The following RNF150 variants were observed in gnomAD, a reference collection of about 807,000 sequenced individuals.
RNF150 encodes the protein ring finger protein 150.
In RNF150, 24 loss-of-function variants were observed where a neutral mutation model predicts 39.3. That is an observed-to-expected ratio of 0.61 (90% confidence interval 0.44 to 0.86). The LOEUF is 0.86. Ranked by LOEUF, RNF150 falls within the 40% of genes least tolerant of loss-of-function variation. The probability of loss-of-function intolerance (pLI) is 0.00; values close to 1 mark genes in which losing one functional copy is unlikely to be tolerated. For synonymous variants in RNF150, 255 were observed against 227.3 expected (o/e 1.12, Z -1.10); for missense variants, 502 against 587.8 (o/e 0.85, Z 1.51).
intron 1 of RNF150, among the ~76,000 whole-genome samples, chr4:141,092,483 GTT>G (rs1437674797): frequency 6.6e-6 from 1 of 152,064 alleles, no homozygotes; most frequent in African/African-American, 2.4e-5. Context: ...TACCTGTAAT[GTT>G]TATCCTTAGC....
In RNF150 at chr4:140,967,744, C is replaced by A. The variant is rs1173800303; in HGVS notation, c.614G>T (p.Ser205Ile). 2 of 1,613,568 alleles carry A rather than the reference C, an allele frequency of 1.2e-6. No individual in the cohort carries two copies. Among genetic ancestry groups the A allele is most frequent in the Non-Finnish European group, 1.7e-6 (2 of 1,179,640 alleles). The change falls in exon 2 of 7, where the codon AGC (serine) becomes ATC (isoleucine). Residue 205 changes from serine (S) to isoleucine (I), a missense_variant. Coordinates refer to ENST00000515673, the MANE Select transcript of RNF150 (RefSeq NM_020724.2). ...IGTRNLQKYV[S>I]RTSVVFVSIS... ...GGAGACAAACACAACCGAAGTGCGG[C>A]TCACATATTTCTGCAAGTTCCGGGT...
At chr4:141,195,430 T>C (rs1170143374) in intron 1 of RNF150, among the ~76,000 whole-genome samples, 1 of 152,214 alleles carries the variant, frequency 6.6e-6, no homozygotes, top group Admixed American at 6.5e-5. Context: ...GTATCTTTTC[T>C]TTTTCAATGC....
intron 1 of RNF150, among the ~76,000 whole-genome samples, chr4:141,150,080 A>G (rs980575601): frequency 6.9e-4 from 105 of 152,198 alleles, no homozygotes; most frequent in Non-Finnish European, 9.8e-4. Context: ...GGGGTCAAAT[A>G]AAATCATAGC....
intron 5 of RNF150, among the ~76,000 whole-genome samples, chr4:140,912,048 C>T (rs547097411): frequency 1.1e-4 from 17 of 152,302 alleles, no homozygotes; most frequent in East Asian, 3.9e-4. Flanking sequence ...GATTACAGGA[C>T]GCTTTCCTCT....
upstream of RNF150, among the ~76,000 whole-genome samples, chr4:141,136,481 C>T (rs1030410416): frequency 1.3e-5 from 2 of 152,064 alleles, no homozygotes; most frequent in African/African-American, 4.8e-5. Flanking sequence ...AATATGTTTC[C>T]AGCTTTGTGC....
intron 1 of RNF150, among the ~76,000 whole-genome samples, chr4:141,061,963 GA>G (rs58774871): frequency 0.17 from 26,501 of 151,998 alleles, 2,571 homozygotes; most frequent in South Asian, 0.4. Context: ...TTTCAGGAAA[GA>G]GAATAAATCT....
intron 1 of RNF150, among the ~76,000 whole-genome samples, chr4:141,123,106 T>C (rs1193933880): frequency 1.3e-5 from 2 of 152,204 alleles, no homozygotes; most frequent in Admixed American, 6.5e-5. Context: ...ATGAGTCAAA[T>C]GCTAAGAAAA....
At chr4:141,041,295 G>A (rs1453612405) in intron 1 of RNF150, among the ~76,000 whole-genome samples, 1 of 152,038 alleles carries the variant, frequency 6.6e-6, no homozygotes, top group East Asian at 1.9e-4. Flanking sequence ...ACATACCATG[G>A]CAAAGGCAAT....
chr4:140,868,403 C>A (rs375017280), intron 6 of RNF150, 24 bp from the exon 7 acceptor site: 1 of 1,242,312 alleles, frequency 8.0e-7, no homozygotes, highest in African/African-American at 1.5e-5. Context: ...GCAAAGTTCA[C>A]AGTGAACACC....
chr4:140,925,584 G>A (rs1731363635), intron 5 of RNF150, among the ~76,000 whole-genome samples: 2 of 152,246 alleles, frequency 1.3e-5, no homozygotes, highest in African/African-American at 4.8e-5. Flanking sequence ...TGATCGTGGG[G>A]CAAAGTGTGG....
chr4:141,162,758 A>G (rs565634493), intron 1 of RNF150, among the ~76,000 whole-genome samples: 1 of 152,252 alleles, frequency 6.6e-6, no homozygotes, highest in African/African-American at 2.4e-5. Flanking sequence ...GCCATGAGGA[A>G]CAGTGCTATC....
chr4:141,000,072 A>AAGAAGG (rs1560679505), intron 1 of RNF150, among the ~76,000 whole-genome samples: 27 of 84,256 alleles, frequency 3.2e-4, no homozygotes, highest in African/African-American at 1.3e-3. Context: ...GAAGAAGAAG[A>AAGAAGG]AGAAGAAGAA....
chr4:140,903,502 T>C (rs1024939453), intron 6 of RNF150, among the ~76,000 whole-genome samples: 3 of 152,082 alleles, frequency 2.0e-5, no homozygotes, highest in Non-Finnish European at 2.9e-5. Flanking sequence ...TCCTCAGACA[T>C]TGAAAAAGTG....
At chr4:140,893,717 G>A (rs982847338) in intron 6 of RNF150, among the ~76,000 whole-genome samples, 2 of 152,150 alleles carry the variant, frequency 1.3e-5, no homozygotes, top group Admixed American at 1.3e-4. Flanking sequence ...TTGTTCTGGC[G>A]GGGGCTTGTG....
intron 1 of RNF150, among the ~76,000 whole-genome samples, chr4:141,055,358 T>C (rs1012937260): frequency 4.6e-5 from 7 of 152,194 alleles, no homozygotes; most frequent in African/African-American, 1.7e-4. Context: ...AAGTCATCTA[T>C]ATAGAAGAGC....
At position 140,999,980 on chromosome 4, in the gene RNF150, GAAGAAAAGAAGAA is replaced by G. The variant is rs1560678654; in HGVS notation, c.485-32120_485-32108del. 1.6e-4 allele frequency among the ~76,000 whole-genome samples: 4 copies of G among 25,306 alleles called. 1 individual carries two copies. The highest frequency in any genetic ancestry group is 4.4e-4 in the Non-Finnish European group (4 of 9,126). 16.6% of individuals were successfully genotyped at this position (25,306 alleles called of 152,430 possible). ...AAGAAGAAGAAGAAGAAGAAGAAAA[GAAGAAAAGAAGAA>G]AAGAAGAAGAAGAAGAAGAAGAAGA... On this transcript the variant is annotated intron_variant, in intron 1 of 6. Coordinates refer to ENST00000515673, the MANE Select transcript of RNF150 (RefSeq NM_020724.2).
chr4:140,960,009 C>A (rs1471072542), intron 2 of RNF150, among the ~76,000 whole-genome samples: 1 of 152,100 alleles, frequency 6.6e-6, no homozygotes, highest in Non-Finnish European at 1.5e-5. Context: ...TTCCTGTCTT[C>A]TTTCCTGAGC....
intron 1 of RNF150, among the ~76,000 whole-genome samples, chr4:141,020,551 T>C (rs1578639085): frequency 6.6e-6 from 1 of 152,318 alleles, no homozygotes; most frequent in East Asian, 1.9e-4. Flanking sequence ...CACTGTTCTT[T>C]TGTTTATCCT....
intron 1 of RNF150, among the ~76,000 whole-genome samples, chr4:141,152,977 G>C (rs1485296585): frequency 1.3e-5 from 2 of 152,124 alleles, no homozygotes; most frequent in Non-Finnish European, 2.9e-5. Flanking sequence ...TTAGCTATTT[G>C]TCCTGATGCT....
Sources: gnomAD v4.1 joint callset for allele counts (sites outside exome capture counted in the v4.1 genomes callset) on GRCh38, gnomAD v4.1.1 for gene constraint, MANE v1.5 for transcripts, NCBI Gene and HGNC (gene_info 2026-07-23, HGNC 2026-07-21) for gene names.